USH2A: variants seen among roughly 807,000 people sequenced by gnomAD.
The protein encoded by USH2A is usherin.
In USH2A, 443 loss-of-function variants were observed where a neutral mutation model predicts 538.9. That is an observed-to-expected ratio of 0.82 (90% CI 0.76 to 0.89). USH2A has a LOEUF of 0.89. Ranked by LOEUF, USH2A falls within the 40% of genes least tolerant of loss-of-function variation. The pLI is 0.00. For missense variants in USH2A, 6,633 were observed against 6,324.8 expected, an observed-to-expected ratio of 1.05 and a Z score of -1.65; for synonymous variants, 2,413 against 2,273.5, an observed-to-expected ratio of 1.06 and a Z score of -1.75.
chr1:216,086,664 A>T, intron 24 of USH2A, 55 bp downstream of exon 24: 1 of 1,312,466 alleles, frequency 7.6e-7, no homozygotes, highest in Non-Finnish European at 1.1e-6. Context: ...AATAATGTAA[A>T]CAGGTTCTAT....
At chr1:215,671,465 T>C (rs1307724121) in intron 63 of USH2A, among the ~76,000 whole-genome samples, 172 bp from the exon 64 acceptor site, 1 of 152,124 alleles carries the variant, frequency 6.6e-6, no homozygotes, top group African/African-American at 2.4e-5. Flanking sequence ...GAGGCAGAGC[T>C]TGCAGTGAGC....
At chr1:215,669,067 A>G (rs1657725361) in intron 64 of USH2A, among the ~76,000 whole-genome samples, 1 of 152,188 alleles carries the variant, frequency 6.6e-6, no homozygotes. Context: ...ACAAACAAAC[A>G]AAAACTGGAA....
In USH2A at chr1:216,068,023, G is replaced by A. The variant is rs567993195; in HGVS notation, c.6049+2078C>T. Reference sequence around the variant, plus strand: ...GTGAGCAAAGGACACTGAGAACAGGGCCCCTGGAGAACCAGGAGGTAAGCA... The same window carrying A: ...GTGAGCAAAGGACACTGAGAACAGGACCCCTGGAGAACCAGGAGGTAAGCA... On this transcript the variant is annotated intron_variant, in intron 30 of 71. Coordinates refer to ENST00000307340, the MANE Select transcript of USH2A (RefSeq NM_206933.4). Among the ~76,000 whole-genome samples the A allele has an allele frequency of 6.6e-5, 10 of 152,260 alleles. No individual in the cohort carries two copies. In the South Asian group the frequency reaches 2.1e-3, roughly 32 times the overall value.
In USH2A at chr1:216,339,701, C is replaced by G. The variant is rs575250581; in HGVS notation, c.785-12047G>C. On this transcript the variant is annotated intron_variant, in intron 4 of 71. Coordinates refer to ENST00000307340, the MANE Select transcript of USH2A (RefSeq NM_206933.4). ...AAACTCACTCAAAACCACACAACTA[C>G]ATGGAAATTGAACAACCTACTCCTG... Among the ~76,000 whole-genome samples the G allele has an allele frequency of 3.3e-5, 5 of 152,070 alleles. No homozygotes were observed. The South Asian group carries it at 1.0e-3, about 32-fold the overall frequency.
chr1:215,856,232 C>T (rs1157715306), intron 44 of USH2A, among the ~76,000 whole-genome samples: 2 of 152,168 alleles, frequency 1.3e-5, no homozygotes, highest in Non-Finnish European at 2.9e-5. Context: ...AAGAAATAAC[C>T]AGCAGAGTAA....
intron 62 of USH2A, among the ~76,000 whole-genome samples, chr1:215,676,312 C>G (rs760804555): frequency 6.6e-6 from 1 of 152,102 alleles, no homozygotes; most frequent in Non-Finnish European, 1.5e-5. Context: ...TGGAAAAAAA[C>G]ATCTGAATGC....
At chr1:216,317,163 T>G (rs1342407505) in intron 9 of USH2A, among the ~76,000 whole-genome samples, 1 of 152,152 alleles carries the variant, frequency 6.6e-6, no homozygotes, top group African/African-American at 2.4e-5. Context: ...TGGAAATTCC[T>G]CAAAGATCTA....
intron 60 of USH2A, among the ~76,000 whole-genome samples, chr1:215,738,700 A>G (rs1660220721): frequency 6.6e-6 from 1 of 152,164 alleles, no homozygotes; most frequent in South Asian, 2.1e-4. Flanking sequence ...ACAATTTCAA[A>G]TGAGATTTAC....
At chr1:215,669,203 T>C (rs188003944) in intron 64 of USH2A, among the ~76,000 whole-genome samples, 11 of 152,328 alleles carry the variant, frequency 7.2e-5, no homozygotes, top group Admixed American at 7.2e-4. Context: ...GATTTTATGC[T>C]GATTTCATCC....
chr1:215,866,706 CAGAG>C (rs775796759), intron 44 of USH2A, among the ~76,000 whole-genome samples: 1 of 152,136 alleles, frequency 6.6e-6, no homozygotes, highest in Non-Finnish European at 1.5e-5. Flanking sequence ...AAGGAAATGA[CAGAG>C]GGAGAGCAGG....
At chr1:215,651,359 T>C (rs1265223525) in intron 64 of USH2A, among the ~76,000 whole-genome samples, 1 of 152,200 alleles carries the variant, frequency 6.6e-6, no homozygotes, top group African/African-American at 2.4e-5. Context: ...GAATGTCAGG[T>C]ACAATAGACA....
At chr1:216,198,638 TA>T in intron 17 of USH2A, 54 bp from the exon 18 acceptor site, 1 of 1,554,758 alleles carries the variant, frequency 6.4e-7, no homozygotes, top group South Asian at 1.1e-5. Flanking sequence ...GGGGTTACTT[TA>T]GGGGTAGGGT....
chr1:215,734,821 C>G (rs982000308), intron 60 of USH2A, among the ~76,000 whole-genome samples: 3 of 152,214 alleles, frequency 2.0e-5, no homozygotes, highest in African/African-American at 7.2e-5. Flanking sequence ...GCATCTCCAA[C>G]TTCATTAGTC....
At chr1:216,397,511 G>C (rs2102755448) in intron 3 of USH2A, among the ~76,000 whole-genome samples, 1 of 152,312 alleles carries the variant, frequency 6.6e-6, no homozygotes, top group South Asian at 2.1e-4. Context: ...ATCAGCTGCA[G>C]GTGTGTCTAC....
chr1:215,640,771 C>G (rs1197716724), intron 67 of USH2A, 37 bp from the exon 68 acceptor site: 14 of 1,601,096 alleles, frequency 8.7e-6, no homozygotes, highest in Non-Finnish European at 1.2e-5. Flanking sequence ...AAAAGGGTAA[C>G]CTCTTTGAAG....
intron 61 of USH2A, among the ~76,000 whole-genome samples, chr1:215,687,114 A>C (rs1658449342): frequency 6.6e-6 from 1 of 152,076 alleles, no homozygotes; most frequent in South Asian, 2.1e-4. Flanking sequence ...TGTTAAGGAC[A>C]CTATTGACGA....
intron 3 of USH2A, 144 bp from the exon 4 acceptor site, chr1:216,365,229 C>T (rs1397227607): frequency 3.2e-6 from 3 of 935,622 alleles, no homozygotes; most frequent in Non-Finnish European, 4.7e-6. Flanking sequence ...TTTAATAGCT[C>T]AGTGATATCT....
chr1:216,179,376 C>A (rs2034448998), intron 20 of USH2A, among the ~76,000 whole-genome samples: 1 of 151,736 alleles, frequency 6.6e-6, no homozygotes, highest in South Asian at 2.1e-4. Flanking sequence ...TTAATGTTTA[C>A]CATTTAAACT....
At chr1:216,151,914 A>G (rs1384008090) in intron 21 of USH2A, among the ~76,000 whole-genome samples, 1 of 151,830 alleles carries the variant, frequency 6.6e-6, no homozygotes, top group East Asian at 1.9e-4. Flanking sequence ...TTTTATTCGG[A>G]CCTTGTATCT....
Sources: allele counts gnomAD v4.1 joint callset (sites outside exome capture counted in the v4.1 genomes callset), GRCh38; gene constraint gnomAD v4.1.1; transcripts MANE v1.5; gene names NCBI Gene and HGNC (gene_info 2026-07-23, HGNC 2026-07-21).